The following CNTNAP3B variants were observed in gnomAD, a reference collection of about 807,000 sequenced individuals.
CNTNAP3B encodes the protein contactin associated protein family member 3B.
CNTNAP3B carries 25 observed loss-of-function variants against 108.9 expected under a neutral mutation model. The ratio of observed to expected loss-of-function variants is 0.23; its 90% CI spans 0.17 to 0.32. The LOEUF (loss-of-function observed/expected upper bound fraction) is 0.32. CNTNAP3B is among the 10% of genes least tolerant of loss of function. The probability of loss-of-function intolerance (pLI) is 1.00; values close to 1 mark genes in which losing one functional copy is unlikely to be tolerated. For missense variants in CNTNAP3B, 252 were observed against 1,210.4 expected (o/e 0.21, Z 11.75); for synonymous variants, 103 against 473.4 (o/e 0.22, Z 10.16).
In CNTNAP3B at chr9:41,994,578, G is replaced by A. The variant is rs537073049; in HGVS notation, c.1071+1627C>T. The A allele has an allele frequency of 7.8e-6, 3 of 386,130 alleles. 1 individual carries two copies. In the African/African-American group the frequency reaches 1.3e-4, roughly 17 times the overall value. 23.9% of individuals were successfully genotyped at this position (386,130 alleles called of 1,614,324 possible). A position where few individuals can be genotyped will look rare whatever the true frequency, so the allele number is the denominator to read the frequency against. On this transcript the variant is annotated intron_variant, in intron 7 of 23. Transcript: ENST00000377561. ...ATTTTTCATTTTTATGATCTCAGCAGGGTGCTGTTCATAGTAAAACTTAGA... is the reference window on the plus strand; with the variant it reads ...ATTTTTCATTTTTATGATCTCAGCAAGGTGCTGTTCATAGTAAAACTTAGA...
At chr9:41,981,918 A>ATAG (rs1554746915) in intron 9 of CNTNAP3B, among the ~76,000 whole-genome samples, 1 of 54,212 alleles carries the variant, frequency 1.8e-5, no homozygotes, top group African/African-American at 5.9e-5. Flanking sequence ...AATAATAATA[A>ATAG]ATTAGCTGAA....
At chr9:41,934,122 T>TATATATATATATATATATATATATATAC (rs1214326050) in intron 14 of CNTNAP3B, among the ~76,000 whole-genome samples, 38 of 73,350 alleles carry the variant, frequency 5.2e-4, no homozygotes, top group African/African-American at 2.1e-3. Flanking sequence ...TATATATATA[T>TATATATATATATATATATATATATATAC]ACACACACAT....
chr9:41,966,245 G>C (rs28587020), intron 10 of CNTNAP3B, among the ~76,000 whole-genome samples: 84 of 152,376 alleles, frequency 5.5e-4, no homozygotes, highest in African/African-American at 2.0e-3. Context: ...TACCTGACTT[G>C]AAGATTCCAC....
At chr9:42,045,570 A>G (rs1183525745) in intron 3 of CNTNAP3B, among the ~76,000 whole-genome samples, 8 of 115,568 alleles carry the variant, frequency 6.9e-5, no homozygotes, top group South Asian at 3.2e-4. Flanking sequence ...CACCCCCCCA[A>G]TATAAAATGA....
chr9:41,932,796 G>A (rs1286540955), intron 14 of CNTNAP3B, among the ~76,000 whole-genome samples: 2 of 152,296 alleles, frequency 1.3e-5, no homozygotes, highest in East Asian at 3.9e-4. Flanking sequence ...GGGATAACAG[G>A]TGTGAGCCAC....
In CNTNAP3B at chr9:41,953,274, C is replaced by T. The variant is rs773429427; in HGVS notation, c.1989G>A (p.Ala663=). 8.5e-6 allele frequency: 13 copies of T among 1,527,530 alleles called. No homozygotes were observed. The highest frequency in any genetic ancestry group is 2.5e-5 in the East Asian group (1 of 40,350). The allele number at this position is 1,527,530 out of a possible 1,614,324, so 94.6% of individuals were successfully genotyped here. A position where few individuals can be genotyped will look rare whatever the true frequency, so the allele number is the denominator to read the frequency against. Residue 663 remains alanine (A), a synonymous_variant, in exon 13 of 24, where the codon GCG becomes GCA. Coordinates refer to ENST00000377561, the MANE Select transcript of CNTNAP3B (RefSeq NM_001201380.3). The part of the protein sequence containing the change: ...SAVSFAYAAG[A]GQLRAAVNLA... ...GGTTCACCGCGGCCCGCAGCTGCCC[C>T]GCGCCCGCTGCGTACGCGAAGGACA... is the stretch of plus-strand genomic sequence containing the variant.
chr9:42,117,531 G>T (rs1283283753), intron 1 of CNTNAP3B, among the ~76,000 whole-genome samples: 3 of 141,560 alleles, frequency 2.1e-5, no homozygotes, highest in African/African-American at 5.5e-5. Context: ...AAGCAGTGTG[G>T]AGAGGGAAAT....
At chr9:42,088,981 C>T (rs1393723307) in intron 2 of CNTNAP3B, among the ~76,000 whole-genome samples, 2 of 128,990 alleles carry the variant, frequency 1.6e-5, no homozygotes, top group African/African-American at 6.4e-5. Flanking sequence ...CTTTGGAAGG[C>T]CAAGGTGGGC....
intron 3 of CNTNAP3B, among the ~76,000 whole-genome samples, chr9:42,034,166 A>ATATG (rs1319608932): frequency 2.4e-5 from 2 of 82,502 alleles, no homozygotes; most frequent in Non-Finnish European, 5.1e-5. Context: ...CTATTTATCT[A>ATATG]TATGTATGTA....
At chr9:41,981,349 TCC>T (rs1825626640) in intron 9 of CNTNAP3B, among the ~76,000 whole-genome samples, 1 of 58,212 alleles carries the variant, frequency 1.7e-5, no homozygotes, top group Non-Finnish European at 3.0e-5. Flanking sequence ...TCAATGCTAT[TCC>T]TATCAAATCA....
chr9:41,925,721 T>G (rs1198196615), intron 15 of CNTNAP3B, among the ~76,000 whole-genome samples: 3 of 152,304 alleles, frequency 2.0e-5, no homozygotes, highest in Non-Finnish European at 2.9e-5. Flanking sequence ...GTTTATACTC[T>G]ATAACTTATT....
chr9:41,963,120 G>A (rs146005146), intron 11 of CNTNAP3B, among the ~76,000 whole-genome samples: 57 of 152,386 alleles, frequency 3.7e-4, no homozygotes, highest in African/African-American at 1.3e-3. Context: ...GACTGGGAGC[G>A]CAGAATTCTC....
At chr9:41,919,817 G>A (rs1434175877) in intron 18 of CNTNAP3B, among the ~76,000 whole-genome samples, 14 of 152,414 alleles carry the variant, frequency 9.2e-5, no homozygotes, top group African/African-American at 3.1e-4. Context: ...ATTTCGAGAG[G>A]ATTAGCATTG....
chr9:42,116,141 G>A (rs1378039955), intron 1 of CNTNAP3B, among the ~76,000 whole-genome samples: 1 of 138,534 alleles, frequency 7.2e-6, no homozygotes, highest in Non-Finnish European at 1.5e-5. Context: ...TCAAATGAAT[G>A]AAATGAAGCG....
At chr9:42,032,886 T>TC (rs934602585) in intron 3 of CNTNAP3B, among the ~76,000 whole-genome samples, 1 of 133,414 alleles carries the variant, frequency 7.5e-6, no homozygotes, top group Non-Finnish European at 1.6e-5. Flanking sequence ...TCTCTCTCTC[T>TC]CCCCCTCTCT....
At chr9:41,999,579 A>G (rs1825961811) in intron 4 of CNTNAP3B, among the ~76,000 whole-genome samples, 1 of 123,930 alleles carries the variant, frequency 8.1e-6, no homozygotes, top group Non-Finnish European at 1.7e-5. Context: ...AGGCACACAG[A>G]CATCCTATTG....
At chr9:42,093,636 G>A (rs1196917023) in intron 2 of CNTNAP3B, among the ~76,000 whole-genome samples, 4 of 66,312 alleles carry the variant, frequency 6.0e-5, no homozygotes, top group Admixed American at 1.8e-4. Context: ...ACCAGCCCCT[G>A]GCAACCACTA....
At chr9:41,961,336 A>T (rs2118207215) in intron 11 of CNTNAP3B, among the ~76,000 whole-genome samples, 1 of 152,420 alleles carries the variant, frequency 6.6e-6, no homozygotes, top group Admixed American at 6.5e-5. Flanking sequence ...AAGCATGCAA[A>T]CTCTGAAGCA....
At chr9:42,120,491 A>T (rs1372670020) in intron 1 of CNTNAP3B, among the ~76,000 whole-genome samples, 3 of 138,244 alleles carry the variant, frequency 2.2e-5, no homozygotes, top group Non-Finnish European at 3.1e-5. Flanking sequence ...CCAAAGGATT[A>T]TAAATCATGC....
Sources: allele counts gnomAD v4.1 joint callset (sites outside exome capture counted in the v4.1 genomes callset), GRCh38; gene constraint gnomAD v4.1.1; transcripts MANE v1.5; gene names NCBI Gene and HGNC (gene_info 2026-07-23, HGNC 2026-07-21).